The following F5 variants were observed in gnomAD, a reference collection of about 807,000 sequenced individuals.
The protein encoded by F5 is coagulation factor V.
In F5, 138 loss-of-function variants were observed where a neutral mutation model predicts 216.4. The ratio of observed to expected loss-of-function variants is 0.64; its 90% CI spans 0.56 to 0.73. The LOEUF is 0.73. Ranked by LOEUF, F5 falls within the 30% of genes least tolerant of loss-of-function variation. The pLI, the probability that F5 is intolerant of heterozygous loss-of-function variation, is 0.00. For missense variants in F5, 2,403 were observed against 2,674.0 expected (o/e 0.90, Z 2.24); for synonymous variants, 916 against 930.7 (o/e 0.98, Z 0.29).
Position 169,524,828 on chromosome 1 carries a change from A to G in F5, c.5788+9T>C, listed in dbSNP as rs1160965419. ...GGTACCATTCACAGACCATGGTGCT[A>G]CAACTTACCCAGAAACTCTGAAGCC... On this transcript the variant is annotated intron_variant, in intron 19 of 24. Transcript: ENST00000367797. 3 of 1,612,580 alleles carry G rather than the reference A, an allele frequency of 1.9e-6. No individual in the cohort carries two copies.
intron 23 of F5, 34 bp from the exon 24 acceptor site, chr1:169,515,660 G>T: frequency 6.2e-7 from 1 of 1,605,474 alleles, no homozygotes; most frequent in Non-Finnish European, 8.5e-7. Flanking sequence ...AGATAAGGAA[G>T]ATGTTAAAAC....
intron 3 of F5, 120 bp from the exon 4 acceptor site, chr1:169,560,886 G>T: frequency 3.6e-6 from 3 of 827,130 alleles, no homozygotes; most frequent in Non-Finnish European, 4.1e-6. Context: ...CTTCAATAGT[G>T]AACTTTTATT....
rs749823356 is a variant in F5, at chr1:169,518,443, G to A, written c.6314C>T (p.Ala2105Val). 5.0e-6 allele frequency: 8 copies of A among 1,613,630 alleles called. No homozygotes were observed. Residue 2105 changes from alanine (A) to valine (V), a missense_variant, in exon 23 of 25, where the codon GCC becomes GTC. By Grantham distance (64) the Ala-to-Val change is moderately conservative. Transcript: ENST00000367797. ...YWEPFRARLN[A>V]QGRVNAWQAK... ...TTGCCAGGCATTCACACGTCCCTGG[G>A]CATTCAGACGGGCACGGAAGGGTTC...
rs780544421 is a variant in F5, at chr1:169,530,985, A to C, written c.5009T>G (p.Leu1670Arg). ...TTCATAGGAAAGTCCATGGGCATGT[A>C]GAGAATACGGTCTGGATGCTAAATT... is the stretch of plus-strand genomic sequence containing the variant. The part of the protein sequence containing the change: ...FKNLASRPYS[L>R]HAHGLSYEKS... Residue 1670 changes from leucine to arginine, a missense_variant, in exon 15 of 25, where the codon CTA (leucine) becomes CGA (arginine). Around this residue, in one of 4 missense-constraint regions of F5, gnomAD observed 659 missense variants for 787.9 expected, o/e 0.84. Transcript: ENST00000367797. The C allele has an allele frequency of 1.2e-6, 2 of 1,613,702 alleles. No individual in the cohort carries two copies. The highest frequency in any genetic ancestry group is 1.7e-6 in the Non-Finnish European group (2 of 1,179,786).
intron 8 of F5, among the ~76,000 whole-genome samples, chr1:169,552,090 C>A (rs1470389382): frequency 6.6e-6 from 1 of 152,190 alleles, no homozygotes; most frequent in African/African-American, 2.4e-5. Flanking sequence ...AGGATGCCAT[C>A]TACTGTATCA....
rs374179228 is a variant in F5 at position 169,580,386 on chromosome 1, TTG to T, written c.250+2043_250+2044del. Among the ~76,000 whole-genome samples, 1,239 of 149,188 alleles carry T rather than the reference TTG, an allele frequency of 8.3e-3. 15 individuals are homozygous for T. Among genetic ancestry groups the T allele is most frequent in the African/African-American group, 0.028 (1,114 of 39,944 alleles). On this transcript the variant is annotated intron_variant, in intron 2 of 24. Transcript: ENST00000367797. ...ATATACTTTTTTGTTGTTGTTGTTG[TTG>T]TTTTTTTTTTTTTGAGATAGAGTTT... is the stretch of plus-strand genomic sequence containing the variant.
At chr1:169,550,274 T>TC (rs1235896638) in intron 9 of F5, among the ~76,000 whole-genome samples, 28 of 36,272 alleles carry the variant, frequency 7.7e-4, no homozygotes, top group East Asian at 3.5e-3. Flanking sequence ...ATGCTATCCC[T>TC]CCCCCCGCCC....
chr1:169,580,287 C>A (rs1571604335), intron 2 of F5, among the ~76,000 whole-genome samples: 1 of 152,116 alleles, frequency 6.6e-6, no homozygotes, highest in African/African-American at 2.4e-5. Context: ...TCCCCAATAG[C>A]TGATTGGCTC....
intron 14 of F5, among the ~76,000 whole-genome samples, chr1:169,532,987 G>T (rs996948797): frequency 5.9e-5 from 9 of 152,010 alleles, no homozygotes; most frequent in Admixed American, 5.2e-4. Context: ...ATACTATAAA[G>T]TTACAATAAC....
At chr1:169,554,396 T>C (rs1302902259) in intron 7 of F5, among the ~76,000 whole-genome samples, 4 of 152,362 alleles carry the variant, frequency 2.6e-5, no homozygotes, top group Admixed American at 6.5e-5. Flanking sequence ...TCCTCTTTTT[T>C]TGATGCTTAG....
At chr1:169,531,437 A>G (rs942853390) in intron 14 of F5, among the ~76,000 whole-genome samples, 1 of 152,356 alleles carries the variant, frequency 6.6e-6, no homozygotes, top group Non-Finnish European at 1.5e-5. Context: ...GTGGGTTCAG[A>G]TGACAATGCC....
At chr1:169,533,913 C>G (rs1395017529) in intron 14 of F5, among the ~76,000 whole-genome samples, 1 of 152,010 alleles carries the variant, frequency 6.6e-6, no homozygotes, top group East Asian at 1.9e-4. Flanking sequence ...ATTTCTGCCT[C>G]CAAAGAAAGA....
chr1:169,572,198 G>GA, intron 3 of F5, 23 bp downstream of exon 3: 1 of 1,608,132 alleles, frequency 6.2e-7, no homozygotes, highest in Non-Finnish European at 8.5e-7. Context: ...TCCCTTTTCA[G>GA]AAAAATATTA....
chr1:169,550,228 C>T (rs1235009116), intron 9 of F5, among the ~76,000 whole-genome samples: 1 of 150,650 alleles, frequency 6.6e-6, no homozygotes, highest in Admixed American at 6.7e-5. Context: ...TGTGCTGCAC[C>T]CATTAACTTG....
chr1:169,540,212 A>G, intron 13 of F5, 82 bp downstream of exon 13: 1 of 1,493,794 alleles, frequency 6.7e-7, no homozygotes, highest in Admixed American at 1.7e-5. Context: ...ATTTGCCCAC[A>G]ATTATCCCCC....
At chr1:169,571,162 T>C (rs961313703) in intron 3 of F5, among the ~76,000 whole-genome samples, 1 of 152,192 alleles carries the variant, frequency 6.6e-6, no homozygotes, top group Non-Finnish European at 1.5e-5. Context: ...AACTCTACTA[T>C]GCTTACAATG....
chr1:169,561,466 GA>G, intron 3 of F5, among the ~76,000 whole-genome samples: 1 of 152,236 alleles, frequency 6.6e-6, no homozygotes, highest in South Asian at 2.1e-4. Flanking sequence ...AGAGGATGAA[GA>G]AATTGGTCTT....
rs143406741 is a variant in F5 at position 169,575,414 on chromosome 1, A to G, written c.251-3071T>C. 9.0e-3 allele frequency among the ~76,000 whole-genome samples: 1,368 copies of G among 152,182 alleles called. 26 individuals carry two copies. The highest frequency in any genetic ancestry group is 0.031 in the African/African-American group (1,292 of 41,530). ...CATAGAGTTTTCCCTTTAGCCTAAG[A>G]GTATCTGGAAGCCATTAAAGAGTTT... On this transcript the variant is annotated intron_variant, in intron 2 of 24. Coordinates refer to ENST00000367797, the MANE Select transcript of F5 (RefSeq NM_000130.5).
At chr1:169,559,319 T>G (rs1660406571) in intron 4 of F5, 23 bp from the exon 5 acceptor site, 2 of 1,613,014 alleles carry the variant, frequency 1.2e-6, no homozygotes, top group Admixed American at 1.7e-5. Flanking sequence ...AGACATGTTT[T>G]CAGTAGCACT....
Sources: allele counts gnomAD v4.1 joint callset (sites outside exome capture counted in the v4.1 genomes callset), GRCh38; gene constraint gnomAD v4.1.1; regional missense constraint gnomAD v4.1.1; transcripts MANE v1.5; gene names NCBI Gene and HGNC (gene_info 2026-07-23, HGNC 2026-07-21).